The following CHRM2 variants were observed in gnomAD, a reference collection of about 807,000 sequenced individuals.
The protein encoded by CHRM2 is muscarinic acetylcholine receptor M2.
A neutral mutation model predicts 25.0 loss-of-function variants in CHRM2; 8 were observed. That is an observed-to-expected ratio of 0.32 (90% CI 0.19 to 0.58). The LOEUF (loss-of-function observed/expected upper bound fraction) is 0.58, where lower values mean the gene tolerates loss of function less well. Ranked by LOEUF, CHRM2 falls within the 20% of genes least tolerant of loss-of-function variation. The pLI is 0.88. For missense variants in CHRM2, 440 were observed against 567.1 expected (o/e 0.78, Z 2.28); for synonymous variants, 202 against 205.7 (o/e 0.98, Z 0.15).
At chr7:136,908,127 G>C (rs1797654567) in intron 2 of CHRM2, among the ~76,000 whole-genome samples, 1 of 151,890 alleles carries the variant, frequency 6.6e-6, no homozygotes, top group South Asian at 2.1e-4. Context: ...GACTTAGTAT[G>C]CCTGAAATTC....
intron 2 of CHRM2, among the ~76,000 whole-genome samples, chr7:136,976,463 C>T (rs1308098541): frequency 1.3e-5 from 2 of 152,078 alleles, no homozygotes; most frequent in Non-Finnish European, 2.9e-5. Flanking sequence ...ATTATTATAA[C>T]AATTTTCCAG....
intron 2 of CHRM2, chr7:136,898,863 G>C (rs149767100): frequency 2.0e-4 from 30 of 152,106 alleles, no homozygotes; most frequent in Admixed American, 5.9e-4. Flanking sequence ...GAGATTTCAA[G>C]GAGTTTTAAA....
chr7:136,897,859 T>TA (rs1563052369), intron 2 of CHRM2, among the ~76,000 whole-genome samples: 1 of 152,220 alleles, frequency 6.6e-6, no homozygotes, highest in South Asian at 2.1e-4. Context: ...AGCCGTTTCT[T>TA]AAAAAAACAA....
intron 2 of CHRM2, among the ~76,000 whole-genome samples, chr7:136,904,497 C>A (rs565258664): frequency 5.3e-4 from 81 of 151,756 alleles, no homozygotes; most frequent in African/African-American, 2.0e-3. Flanking sequence ...CTTTCTTTTT[C>A]CCAATATTAA....
At chr7:136,891,020 T>G (rs537952655) in intron 2 of CHRM2, among the ~76,000 whole-genome samples, 2 of 152,352 alleles carry the variant, frequency 1.3e-5, no homozygotes, top group East Asian at 3.9e-4. Context: ...ACTTTGCATT[T>G]ATGTCTTTCA....
chr7:136,968,503 T>C lies in CHRM2; in HGVS notation c.-124-23684T>C, dbSNP rs568367268. Among the ~76,000 whole-genome samples the C allele has an allele frequency of 3.3e-5, 5 of 152,024 alleles. No homozygotes were observed. The East Asian group carries it at 7.7e-4, about 24-fold the overall frequency. Reference sequence around the variant, plus strand: ...AAAAACTAAAAATGCAATTACCATATGATCCAGCAACCCCACTTCTGGGTG... The same window carrying C: ...AAAAACTAAAAATGCAATTACCATACGATCCAGCAACCCCACTTCTGGGTG... On this transcript the variant is annotated intron_variant, in intron 2 of 3. Coordinates refer to ENST00000680005, the MANE Select transcript of CHRM2 (RefSeq NM_001006630.2).
intron 3 of CHRM2, among the ~76,000 whole-genome samples, chr7:137,010,511 A>G (rs7803391): frequency 0.024 from 3,662 of 152,106 alleles, 149 homozygotes; most frequent in African/African-American, 0.084. Context: ...AAAAACTTTT[A>G]CAGAAATTTA....
intron 3 of CHRM2, among the ~76,000 whole-genome samples, chr7:137,006,652 A>AT (rs376245620): frequency 1.1e-4 from 16 of 150,916 alleles, no homozygotes; most frequent in East Asian, 1.9e-4. Context: ...TTTCTTTTAC[A>AT]TTTTTTTTTC....
At chr7:136,988,764 A>G (rs1340546847) in intron 2 of CHRM2, among the ~76,000 whole-genome samples, 1 of 152,130 alleles carries the variant, frequency 6.6e-6, no homozygotes, top group Non-Finnish European at 1.5e-5. Flanking sequence ...TGGTGACTTG[A>G]TTATCTTGTG....
At chr7:136,882,395 C>T (rs1486888837) in intron 2 of CHRM2, among the ~76,000 whole-genome samples, 1 of 151,256 alleles carries the variant, frequency 6.6e-6, no homozygotes, top group African/African-American at 2.4e-5. Context: ...CCCCTTTCTC[C>T]TCCTCCCCCT....
intron 2 of CHRM2, among the ~76,000 whole-genome samples, chr7:136,887,793 T>G (rs796845549): frequency 2.0e-5 from 3 of 152,268 alleles, no homozygotes; most frequent in African/African-American, 7.2e-5. Context: ...TTTGGGAAAC[T>G]TAGGGTTTTA....
chr7:136,915,247 T>C (rs1033892214), intron 2 of CHRM2, among the ~76,000 whole-genome samples: 27 of 151,958 alleles, frequency 1.8e-4, no homozygotes, highest in African/African-American at 6.5e-4. Context: ...TAAAGTTAAA[T>C]AATTTTCTTA....
chr7:136,995,622 G>C (rs1481393963), intron 3 of CHRM2, among the ~76,000 whole-genome samples: 1 of 151,820 alleles, frequency 6.6e-6, no homozygotes, highest in Admixed American at 6.6e-5. Context: ...ACATTACCCA[G>C]GTGTGGTGGT....
At chr7:136,912,359 A>C (rs1797888047) in intron 2 of CHRM2, among the ~76,000 whole-genome samples, 1 of 151,980 alleles carries the variant, frequency 6.6e-6, no homozygotes, top group Non-Finnish European at 1.5e-5. Context: ...TGGTTCCAAC[A>C]GAATGCCCAA....
intron 2 of CHRM2, among the ~76,000 whole-genome samples, chr7:136,970,919 G>T (rs536100708): frequency 6.6e-6 from 1 of 152,250 alleles, no homozygotes; most frequent in East Asian, 1.9e-4. Flanking sequence ...GAGATGGGGT[G>T]AATCAATGTC....
Position 137,016,043 on chromosome 7 carries a change from T to A in CHRM2, c.1178T>A (p.Leu393Gln). 6.2e-7 allele frequency: 1 copy of A among 1,612,844 alleles called. No homozygotes were observed. Among genetic ancestry groups the A allele is most frequent in the Non-Finnish European group, 8.5e-7 (1 of 1,179,350 alleles). ...KKVTRTILAI[L>Q]LAFIITWAPY... ...GTCACCAGGACAATCTTGGCTATTC[T>A]GTTGGCTTTCATCATCACTTGGGCC... Residue 393 changes from leucine (L) to glutamine (Q), a missense_variant, in exon 4 of 4, where the codon CTG (leucine) becomes CAG (glutamine). Leu to Gln is a moderately radical substitution (Grantham distance 113). Coordinates refer to ENST00000680005, the MANE Select transcript of CHRM2 (RefSeq NM_001006630.2).
chr7:136,951,615 G>C (rs978577169), intron 2 of CHRM2, among the ~76,000 whole-genome samples: 1 of 152,268 alleles, frequency 6.6e-6, no homozygotes, highest in South Asian at 2.1e-4. Context: ...GGGATGATTC[G>C]CTGTCCTTTC....
At chr7:136,898,894 C>A (rs1057114697) in intron 2 of CHRM2, 2 of 151,994 alleles carry the variant, frequency 1.3e-5, no homozygotes, top group African/African-American at 4.8e-5. Context: ...AACATAAGAT[C>A]ATACTTACAA....
chr7:136,915,701 C>G (rs1009374211), intron 2 of CHRM2, among the ~76,000 whole-genome samples: 1 of 151,760 alleles, frequency 6.6e-6, no homozygotes, highest in African/African-American at 2.4e-5. Flanking sequence ...GGAAGGCTAA[C>G]AGAAAAATGT....
Sources: allele counts gnomAD v4.1 joint callset (sites outside exome capture counted in the v4.1 genomes callset), GRCh38; gene constraint gnomAD v4.1.1; transcripts MANE v1.5; gene names NCBI Gene and HGNC (gene_info 2026-07-23, HGNC 2026-07-21).